The following ADI1 variants were observed in gnomAD, a reference collection of about 807,000 sequenced individuals.
ADI1 encodes acireductone dioxygenase.
ADI1 carries 21 observed loss-of-function variants against 18.7 expected under a neutral mutation model. The ratio of observed to expected loss-of-function variants is 1.13; its 90% CI spans 0.80 to 1.62. ADI1 has a LOEUF of 1.62. Among genes scored for constraint, ADI1 ranks in the 40% most tolerant of loss-of-function variants. ADI1 has a pLI of 0.00. For missense variants in ADI1, 245 were observed against 254.9 expected, an observed-to-expected ratio of 0.96 and a Z score of 0.26; for synonymous variants, 90 against 100.1, an observed-to-expected ratio of 0.90 and a Z score of 0.60.
intron 2 of ADI1, among the ~76,000 whole-genome samples, chr2:3,503,394 C>T (rs2103203827): frequency 6.6e-6 from 1 of 151,500 alleles, no homozygotes; most frequent in East Asian, 2.0e-4. Flanking sequence ...TACTCACACG[C>T]ACATTCACAC....
At chr2:3,499,191 T>C in intron 3 of ADI1, 109 bp from the exon 4 acceptor site, 8 of 1,428,902 alleles carry the variant, frequency 5.6e-6, no homozygotes, top group Non-Finnish European at 7.4e-6. Flanking sequence ...ACACTTTACT[T>C]GCTATTTTTA....
At position 3,498,566 on chromosome 2, in the gene ADI1, T is replaced by C. The variant is rs1051240486; in HGVS notation, c.*397A>G. ...CCACTCCCCACCCCAAGGCATCATT[T>C]TGGAGAAAAAAGTGTCTTCTATCTG... On this transcript the variant is annotated 3_prime_UTR_variant, in exon 4 of 4. Transcript: ENST00000327435. The C allele has an allele frequency of 6.2e-6, 1 of 160,634 alleles. No individual in the cohort carries two copies. The highest frequency in any genetic ancestry group is 2.4e-5 in the African/African-American group (1 of 41,832). 10.0% of individuals were successfully genotyped at this position (160,634 alleles called of 1,614,324 possible). A position where few individuals can be genotyped will look rare whatever the true frequency, so the allele number is the denominator to read the frequency against.
chr2:3,505,818 G>A (rs866460296), intron 2 of ADI1, among the ~76,000 whole-genome samples: 5 of 152,144 alleles, frequency 3.3e-5, no homozygotes, highest in Admixed American at 6.5e-5. Context: ...ATTAGATAAC[G>A]TGATGAGGGT....
intron 3 of ADI1, among the ~76,000 whole-genome samples, chr2:3,499,336 A>T (rs1323443110): frequency 6.6e-6 from 1 of 152,054 alleles, no homozygotes; most frequent in Non-Finnish European, 1.5e-5. Context: ...TGAACTCCGC[A>T]CCTCCGTGCT....
rs1298569449 is a variant in ADI1 at position 3,502,036 on chromosome 2, CACACACAG to C, written c.241-1051_241-1044del. On this transcript the variant is annotated intron_variant, in intron 2 of 3. Coordinates refer to ENST00000327435, the MANE Select transcript of ADI1 (RefSeq NM_018269.4). Reference sequence around the variant, plus strand: ...ACACACACACACACACACACACACACACACACAGAGACAGGGTTTCACTCTGTTGCTCA... The same window carrying C: ...ACACACACACACACACACACACACACAGACAGGGTTTCACTCTGTTGCTCA... Among the ~76,000 whole-genome samples, 74 of 102,410 alleles carry C rather than the reference CACACACAG, an allele frequency of 7.2e-4. 2 individuals carry two copies. Among genetic ancestry groups the C allele is most frequent in the East Asian group, 1.7e-3 (5 of 2,998 alleles). 67.2% of individuals were successfully genotyped at this position (102,410 alleles called of 152,430 possible). A position where few individuals can be genotyped will look rare whatever the true frequency, so the allele number is the denominator to read the frequency against.
chr2:3,507,858 C>T (rs1471965191), intron 2 of ADI1, among the ~76,000 whole-genome samples: 2 of 151,936 alleles, frequency 1.3e-5, no homozygotes, highest in Non-Finnish European at 2.9e-5. Context: ...AAATAAATAA[C>T]AGCAACATTG....
At position 3,498,909 on chromosome 2, in the gene ADI1, A is replaced by G. The variant is rs939083366; in HGVS notation, c.*54T>C. On this transcript the variant is annotated 3_prime_UTR_variant, in exon 4 of 4. Transcript: ENST00000327435. ...AGAGAAAGTGATTGATTTTCTGCTC[A>G]GTCATTACATTGGGGACCTTTACGA... 7 of 1,555,196 alleles carry G rather than the reference A, an allele frequency of 4.5e-6. No homozygotes were observed. Among genetic ancestry groups the G allele is most frequent in the Non-Finnish European group, 6.1e-6 (7 of 1,143,690 alleles).
At chr2:3,514,812 C>G in intron 1 of ADI1, 1 of 1,548,814 alleles carries the variant, frequency 6.5e-7, no homozygotes, top group East Asian at 2.4e-5. Context: ...ACTTACTGAA[C>G]AACAAACTCC....
chr2:3,499,250 T>C (rs891121800), intron 3 of ADI1, among the ~76,000 whole-genome samples, 168 bp from the exon 4 acceptor site: 2 of 152,224 alleles, frequency 1.3e-5, no homozygotes, highest in African/African-American at 4.8e-5. Context: ...GGAAGGAAAA[T>C]TTGTATCAGG....
At chr2:3,516,799 AAT>A in intron 1 of ADI1, 1 of 985,450 alleles carries the variant, frequency 1.0e-6, no homozygotes, top group African/African-American at 1.7e-5. Context: ...CTATGTCACT[AAT>A]AACAGATTGA....
intron 1 of ADI1, chr2:3,514,819 C>T (rs1341211826): frequency 6.5e-7 from 1 of 1,549,014 alleles, no homozygotes; most frequent in Non-Finnish European, 8.7e-7. Flanking sequence ...GAACAACAAA[C>T]TCCAGTGTTG....
chr2:3,508,920 G>T (rs1018992030), intron 2 of ADI1, among the ~76,000 whole-genome samples: 1 of 149,184 alleles, frequency 6.7e-6, no homozygotes, highest in African/African-American at 2.5e-5. Context: ...AAGAAGGGAA[G>T]GGAAGGGGAA....
intron 2 of ADI1, among the ~76,000 whole-genome samples, chr2:3,510,143 CAA>C (rs757457209): frequency 1.4e-3 from 95 of 66,588 alleles, no homozygotes; most frequent in Admixed American, 5.1e-3. Flanking sequence ...AACTCTGTCT[CAA>C]AAAAAAAAAA....
chr2:3,514,833 G>T (rs962215942), intron 1 of ADI1: 22 of 1,548,776 alleles, frequency 1.4e-5, no homozygotes, highest in Non-Finnish European at 1.7e-5. Context: ...AGTGTTGCAG[G>T]AAGTCAGGGA....
chr2:3,502,764 C>G (rs961878642), intron 2 of ADI1, among the ~76,000 whole-genome samples: 1 of 152,176 alleles, frequency 6.6e-6, no homozygotes, highest in African/African-American at 2.4e-5. Context: ...ACGGAAATAA[C>G]TCTTGAACAT....
In ADI1 at chr2:3,519,491, G is replaced by C. The variant is rs1667508873; in HGVS notation, c.-4C>G. The C allele has an allele frequency of 7.8e-7, 1 of 1,289,952 alleles. No individual in the cohort carries two copies. The highest frequency in any genetic ancestry group is 1.5e-5 in the African/African-American group (1 of 64,984). The allele number at this position is 1,289,952 out of a possible 1,614,324, so 79.9% of individuals were successfully genotyped here. A position where few individuals can be genotyped will look rare whatever the true frequency, so the allele number is the denominator to read the frequency against. Reference sequence around the variant, plus strand: ...CCATATACCAGGCCTGCACCATGACGCGCAGTGCGGGTGCCGTGTTCGAAC... The same window carrying C: ...CCATATACCAGGCCTGCACCATGACCCGCAGTGCGGGTGCCGTGTTCGAAC... On this transcript the variant is annotated 5_prime_UTR_variant, in exon 1 of 4. Transcript: ENST00000327435.
chr2:3,505,885 T>C (rs1667165488), intron 2 of ADI1, among the ~76,000 whole-genome samples: 1 of 152,236 alleles, frequency 6.6e-6, no homozygotes, highest in Admixed American at 6.5e-5. Flanking sequence ...AGCTTGCTTC[T>C]TCTACCCACC....
chr2:3,500,891 T>C lies in ADI1; in HGVS notation c.343A>G (p.Ile115Val), dbSNP rs1307073884. ...FDVRDKEDQWIRIFMEKGDMV... is the reference protein window; with the variant it reads ...FDVRDKEDQWVRIFMEKGDMV... ...TCTCCCTTCTCCATGAAGATCCGGA[T>C]CCACTGGTCCTCCTTGTCCCTCACA... The change falls in exon 3 of 4, where the codon ATC (isoleucine) becomes GTC (valine). Residue 115 changes from isoleucine to valine, a missense_variant. By Grantham distance (29) the Ile-to-Val change is conservative. Coordinates refer to ENST00000327435, the MANE Select transcript of ADI1 (RefSeq NM_018269.4). The C allele has an allele frequency of 6.2e-6, 10 of 1,614,178 alleles. No individual in the cohort carries two copies. Among genetic ancestry groups the C allele is most frequent in the African/African-American group, 1.3e-5 (1 of 75,050 alleles).
chr2:3,499,951 G>C (rs576602628), intron 3 of ADI1, among the ~76,000 whole-genome samples: 1 of 152,116 alleles, frequency 6.6e-6, no homozygotes, highest in Non-Finnish European at 1.5e-5. Flanking sequence ...AGTAATCCCA[G>C]CTACTCAGGA....
Sources: gnomAD v4.1 joint callset for allele counts (sites outside exome capture counted in the v4.1 genomes callset) on GRCh38, gnomAD v4.1.1 for gene constraint, MANE v1.5 for transcripts, NCBI Gene and HGNC (gene_info 2026-07-23, HGNC 2026-07-21) for gene names.